Variants in EEF1AKMT1 observed in about 807,000 individuals in gnomAD.
The protein encoded by EEF1AKMT1 is N-6 adenine-specific DNA methyltransferase 2 (putative).
In EEF1AKMT1, 18 loss-of-function variants were observed where a neutral mutation model predicts 21.0. The ratio of observed to expected loss-of-function variants is 0.86; its 90% CI spans 0.59 to 1.27. The LOEUF is 1.27. Among genes scored for constraint, EEF1AKMT1 ranks in the 50% most tolerant of loss-of-function variants. EEF1AKMT1 has a pLI of 0.00. For synonymous variants in EEF1AKMT1, 109 were observed against 94.8 expected (o/e 1.15, Z -0.87); for missense variants, 246 against 258.6 (o/e 0.95, Z 0.33).
chr13:20,731,815 G>C (rs762785430), intron 4 of EEF1AKMT1, 26 bp downstream of exon 4: 1 of 1,592,314 alleles, frequency 6.3e-7, no homozygotes. Flanking sequence ...CAGTGACTTT[G>C]ATGAGATATG....
chr13:20,757,208 A>G, intron 2 of EEF1AKMT1: 1 of 346,726 alleles, frequency 2.9e-6, no homozygotes, highest in Non-Finnish European at 5.2e-6. Flanking sequence ...TATCTGAAAA[A>G]CCCCATCTTC....
chr13:20,763,751 C>T, intron 1 of EEF1AKMT1, among the ~76,000 whole-genome samples: 1 of 152,156 alleles, frequency 6.6e-6, no homozygotes, highest in East Asian at 1.9e-4. Context: ...CCATGCCTGG[C>T]CTGAAAATTT....
At chr13:20,729,284 G>C in intron 4 of EEF1AKMT1, 68 bp from the exon 5 acceptor site, 2 of 1,581,140 alleles carry the variant, frequency 1.3e-6, no homozygotes, top group Non-Finnish European at 1.7e-6. Flanking sequence ...GTCCTGAGCT[G>C]TGAGAGGGGC....
intron 2 of EEF1AKMT1, among the ~76,000 whole-genome samples, chr13:20,744,389 ATGGTATCTCGTTG>A (rs1013316569): frequency 2.0e-5 from 3 of 152,164 alleles, no homozygotes; most frequent in African/African-American, 7.2e-5. Context: ...CTGGAGTGAG[ATGGTATCTCGTTG>A]TGGTTTTGAT....
At chr13:20,761,426 G>A (rs1427697259) in intron 1 of EEF1AKMT1, among the ~76,000 whole-genome samples, 1 of 152,162 alleles carries the variant, frequency 6.6e-6, no homozygotes, top group Non-Finnish European at 1.5e-5. Context: ...TTATTGCTGA[G>A]TAGTAATCCA....
chr13:20,768,086 A>T (rs549806702), intron 1 of EEF1AKMT1, among the ~76,000 whole-genome samples: 2 of 142,076 alleles, frequency 1.4e-5, no homozygotes, highest in East Asian at 3.9e-4. Context: ...TACTTCTAAC[A>T]TATATCTATT....
intron 2 of EEF1AKMT1, among the ~76,000 whole-genome samples, chr13:20,750,981 T>A (rs897834340): frequency 1.3e-5 from 2 of 152,228 alleles, no homozygotes; most frequent in Admixed American, 1.3e-4. Flanking sequence ...TTGTATGTCT[T>A]CTTTTGAGAA....
intron 1 of EEF1AKMT1, among the ~76,000 whole-genome samples, chr13:20,764,918 C>CACACACACACACA (rs55773311): frequency 6.8e-6 from 1 of 146,834 alleles, no homozygotes; most frequent in East Asian, 2.1e-4. Context: ...CACACACACA[C>CACACACACACACA]CCTAATTTTG....
At chr13:20,773,455 C>CCGCG (rs1360487143) in intron 1 of EEF1AKMT1, among the ~76,000 whole-genome samples, 1 of 152,246 alleles carries the variant, frequency 6.6e-6, no homozygotes, top group African/African-American at 2.4e-5. Context: ...GCGACAGGCG[C>CCGCG]CGCGGGTGCC....
rs2058977756 is a variant in EEF1AKMT1, at chr13:20,757,528, T to TA, written c.70dup (p.Tyr24LeufsTer3). 6.2e-7 allele frequency: 1 copy of TA among 1,614,052 alleles called. No homozygotes were observed. Among genetic ancestry groups the TA allele is most frequent in the Non-Finnish European group, 8.5e-7 (1 of 1,180,010 alleles). Reference sequence around the variant, plus strand: ...CTCAATTTGTTGCTTTTGCTCAGCATAAAATTCCTGGAGAGCTGCTAAGGC... The same window carrying TA: ...CTCAATTTGTTGCTTTTGCTCAGCATAAAAATTCCTGGAGAGCTGCTAAGGC... On this transcript the variant is annotated frameshift_variant, in exon 2 of 5. Coordinates refer to ENST00000382758, the MANE Select transcript of EEF1AKMT1 (RefSeq NM_001318939.2). LOFTEE classifies it high-confidence loss of function.
intron 2 of EEF1AKMT1, among the ~76,000 whole-genome samples, chr13:20,744,255 G>A (rs573374945): frequency 2.0e-5 from 3 of 152,222 alleles, no homozygotes; most frequent in Non-Finnish European, 2.9e-5. Context: ...TTGAGGAATC[G>A]CCACACTGTT....
intron 1 of EEF1AKMT1, among the ~76,000 whole-genome samples, chr13:20,765,452 G>A (rs1369792018): frequency 1.2e-4 from 11 of 91,372 alleles, no homozygotes; most frequent in Admixed American, 5.6e-4. Context: ...TCACTCTTTC[G>A]CCCAGGCTGG....
chr13:20,763,675 A>T (rs1035783918), intron 1 of EEF1AKMT1, among the ~76,000 whole-genome samples: 33 of 151,836 alleles, frequency 2.2e-4, no homozygotes, highest in African/African-American at 7.5e-4. Context: ...CCAGTCTCAA[A>T]CTCCTGACCT....
At chr13:20,746,229 T>C (rs2058903515) in intron 2 of EEF1AKMT1, among the ~76,000 whole-genome samples, 1 of 152,138 alleles carries the variant, frequency 6.6e-6, no homozygotes, top group Non-Finnish European at 1.5e-5. Flanking sequence ...GTCGGCTCAC[T>C]GCAGCCTCCA....
rs181425651 is a variant in EEF1AKMT1 at position 20,758,935 on chromosome 13, C to T, written c.-19-1318G>A. On this transcript the variant is annotated intron_variant, in intron 1 of 4. Coordinates refer to ENST00000382758, the MANE Select transcript of EEF1AKMT1 (RefSeq NM_001318939.2). ...AACAATGGGGAAAGGATATTCTATT[C>T]AATAAATGGTGCTGGGAAAACTAGC... 2.4e-3 allele frequency among the ~76,000 whole-genome samples: 360 copies of T among 152,224 alleles called. 2 individuals carry two copies. The highest frequency in any genetic ancestry group is 3.9e-3 in the Non-Finnish European group (266 of 68,008).
chr13:20,757,436 G>T lies in EEF1AKMT1; in HGVS notation c.144+19C>A. 1 of 1,613,070 alleles carries T rather than the reference G, an allele frequency of 6.2e-7. No homozygotes were observed. The highest frequency in any genetic ancestry group is 8.5e-7 in the Non-Finnish European group (1 of 1,179,270). On this transcript the variant is annotated intron_variant, in intron 2 of 4. Coordinates refer to ENST00000382758, the MANE Select transcript of EEF1AKMT1 (RefSeq NM_001318939.2). Reference sequence around the variant, plus strand: ...TCCACATCAATACTTCCTGATGGCTGTGAAATGCATTTACTTACCCAATTC... The same window carrying T: ...TCCACATCAATACTTCCTGATGGCTTTGAAATGCATTTACTTACCCAATTC...
intron 1 of EEF1AKMT1, among the ~76,000 whole-genome samples, chr13:20,766,111 A>G (rs1482182696): frequency 6.6e-6 from 1 of 151,766 alleles, no homozygotes; most frequent in Non-Finnish European, 1.5e-5. Context: ...CAGCCTGGCC[A>G]ACATGGTGAA....
rs1595026355 is a variant in EEF1AKMT1, at chr13:20,757,494, C to T, written c.105G>A (p.Glu35=). The T allele has an allele frequency of 6.2e-7, 1 of 1,614,114 alleles. No homozygotes were observed. The highest frequency in any genetic ancestry group is 8.5e-7 in the Non-Finnish European group (1 of 1,180,022). ...TTATTCCAATGTTATATTTATCATCCTCGCCTGGCTCAATTTGTTGCTTTT... is the reference window on the plus strand; with the variant it reads ...TTATTCCAATGTTATATTTATCATCTTCGCCTGGCTCAATTTGTTGCTTTT... ...AEQKQQIEPG[E]DDKYNIGIIE... is the part of the protein sequence containing the mutation. Residue 35 remains glutamate, a synonymous_variant, in exon 2 of 5, where the codon GAG becomes GAA. Transcript: ENST00000382758.
At chr13:20,739,067 C>A (rs149068242) in intron 2 of EEF1AKMT1, among the ~76,000 whole-genome samples, 1 of 152,088 alleles carries the variant, frequency 6.6e-6, no homozygotes, top group African/African-American at 2.4e-5. Flanking sequence ...CTGGGGGGGT[C>A]GTGGTCTCGC....
Sources: allele counts gnomAD v4.1 joint callset (sites outside exome capture counted in the v4.1 genomes callset), GRCh38; gene constraint gnomAD v4.1.1; transcripts MANE v1.5; gene names NCBI Gene and HGNC (gene_info 2026-07-23, HGNC 2026-07-21).